CSMD1: variants seen among roughly 807,000 people sequenced by gnomAD.
CSMD1 encodes CUB and sushi domain-containing protein 1.
A neutral mutation model predicts 417.5 loss-of-function variants in CSMD1; 213 were observed. The ratio of observed to expected loss-of-function variants is 0.51; its 90% confidence interval spans 0.46 to 0.57. CSMD1 has a LOEUF of 0.57. Among genes scored for constraint, CSMD1 ranks in the 20% least tolerant of loss-of-function variants. The pLI is 0.00. For synonymous variants in CSMD1, 2,862 were observed against 1,736.8 expected, an observed-to-expected ratio of 1.65 and a Z score of -16.11; for missense variants, 6,923 against 4,529.7, an observed-to-expected ratio of 1.53 and a Z score of -15.17.
intron 33 of CSMD1, among the ~76,000 whole-genome samples, chr8:3,191,367 A>G (rs1456997239): frequency 6.6e-6 from 1 of 152,228 alleles, no homozygotes; most frequent in African/African-American, 2.4e-5. Flanking sequence ...GAGGCAGGAT[A>G]ATCGCTTCAC....
chr8:4,561,152 A>G (rs1585251315), intron 2 of CSMD1, among the ~76,000 whole-genome samples: 1 of 152,176 alleles, frequency 6.6e-6, no homozygotes, highest in African/African-American at 2.4e-5. Context: ...CAGGTGGATC[A>G]TGAGGTCAGG....
chr8:4,017,209 T>C (rs1261759468), intron 4 of CSMD1, among the ~76,000 whole-genome samples: 2 of 152,226 alleles, frequency 1.3e-5, no homozygotes, highest in Non-Finnish European at 2.9e-5. Context: ...TAAAGTTTTT[T>C]CTACTATTTT....
At chr8:4,675,994 T>A (rs1263712855) in intron 1 of CSMD1, among the ~76,000 whole-genome samples, 2 of 152,162 alleles carry the variant, frequency 1.3e-5, no homozygotes, top group Non-Finnish European at 2.9e-5. Flanking sequence ...ATTCTTCACA[T>A]TTGCTTTACA....
At chr8:4,183,976 C>G (rs1418259364) in intron 3 of CSMD1, among the ~76,000 whole-genome samples, 1 of 152,140 alleles carries the variant, frequency 6.6e-6, no homozygotes, top group Non-Finnish European at 1.5e-5. Flanking sequence ...GGAAAATTCT[C>G]AGAGCCTCCG....
intron 1 of CSMD1, among the ~76,000 whole-genome samples, chr8:4,850,426 A>T (rs1456612673): frequency 7.1e-6 from 1 of 141,334 alleles, no homozygotes; most frequent in African/African-American, 2.7e-5. Flanking sequence ...TTAGTAAAAA[A>T]CATCTTTACT....
intron 1 of CSMD1, among the ~76,000 whole-genome samples, chr8:4,837,095 G>T (rs137871792): frequency 8.6e-5 from 13 of 151,784 alleles, no homozygotes; most frequent in African/African-American, 2.9e-4. Context: ...AATTAATGAG[G>T]GCTTCACTAA....
intron 3 of CSMD1, among the ~76,000 whole-genome samples, chr8:4,267,508 G>A (rs944469530): frequency 1.3e-5 from 2 of 151,632 alleles, no homozygotes; most frequent in Non-Finnish European, 2.9e-5. Context: ...TCTAAACGCA[G>A]TAAGTATTGA....
intron 5 of CSMD1, among the ~76,000 whole-genome samples, chr8:3,836,546 T>G (rs1320357413): frequency 6.6e-6 from 1 of 152,004 alleles, no homozygotes; most frequent in African/African-American, 2.4e-5. Flanking sequence ...TAGGATGGAG[T>G]GAGTCAGAAA....
At chr8:4,736,879 C>T (rs1302968104) in intron 1 of CSMD1, among the ~76,000 whole-genome samples, 7 of 152,026 alleles carry the variant, frequency 4.6e-5, no homozygotes, top group South Asian at 4.1e-4. Context: ...GGTATGTAAG[C>T]GTTCAGTAAA....
chr8:3,382,914 T>C (rs980583858), intron 18 of CSMD1, among the ~76,000 whole-genome samples: 1 of 152,132 alleles, frequency 6.6e-6, no homozygotes, highest in Non-Finnish European at 1.5e-5. Context: ...AACTAAGATT[T>C]CTCAAAAAAA....
intron 26 of CSMD1, among the ~76,000 whole-genome samples, chr8:3,276,912 G>A (rs1016584103): frequency 6.6e-6 from 1 of 152,114 alleles, no homozygotes; most frequent in Non-Finnish European, 1.5e-5. Context: ...TTAATCCACT[G>A]TATTAATAAA....
chr8:3,138,317 T>C (rs1468805472), intron 41 of CSMD1, among the ~76,000 whole-genome samples: 1 of 152,236 alleles, frequency 6.6e-6, no homozygotes, highest in Non-Finnish European at 1.5e-5. Context: ...ACTCTACTCC[T>C]GTAGATACTC....
intron 29 of CSMD1, among the ~76,000 whole-genome samples, chr8:3,216,411 T>TA (rs551582669): frequency 1.3e-5 from 2 of 152,200 alleles, no homozygotes; most frequent in South Asian, 2.1e-4. Flanking sequence ...CTATTGAAAA[T>TA]AAAAAATTTC....
chr8:3,391,431 G>A (rs1273563483), intron 17 of CSMD1, among the ~76,000 whole-genome samples: 13 of 152,148 alleles, frequency 8.5e-5, no homozygotes, highest in Non-Finnish European at 1.5e-5. Flanking sequence ...ACAAAATTAT[G>A]ACAATTTTAA....
At chr8:4,844,176 C>T (rs983318916) in intron 1 of CSMD1, among the ~76,000 whole-genome samples, 3 of 152,070 alleles carry the variant, frequency 2.0e-5, no homozygotes, top group Non-Finnish European at 2.9e-5. Flanking sequence ...TTCTACTACA[C>T]GTAGCACTGG....
chr8:3,479,790 C>G (rs1013701193), intron 11 of CSMD1, among the ~76,000 whole-genome samples: 1 of 151,620 alleles, frequency 6.6e-6, no homozygotes, highest in African/African-American at 2.4e-5. Flanking sequence ...AGAAATGAAT[C>G]AGAGGGTGGA....
chr8:4,961,010 T>C (rs771447756), intron 1 of CSMD1, among the ~76,000 whole-genome samples: 1 of 152,118 alleles, frequency 6.6e-6, no homozygotes. Flanking sequence ...ATGAGCATTT[T>C]ACTCTCTTAC....
chr8:3,840,683 C>CT (rs939551047), intron 5 of CSMD1, among the ~76,000 whole-genome samples: 1 of 143,892 alleles, frequency 6.9e-6, no homozygotes, highest in Non-Finnish European at 1.5e-5. Context: ...GACCTCAATT[C>CT]TTTTTTTTAA....
chr8:3,837,060 A>G (rs1419088566), intron 5 of CSMD1, among the ~76,000 whole-genome samples: 1 of 151,864 alleles, frequency 6.6e-6, no homozygotes, highest in Non-Finnish European at 1.5e-5. Flanking sequence ...CCCATGGGTG[A>G]TTTTCAACAT....
Sources: allele counts gnomAD v4.1 joint callset (sites outside exome capture counted in the v4.1 genomes callset), GRCh38; gene constraint gnomAD v4.1.1; transcripts MANE v1.5; gene names NCBI Gene and HGNC (gene_info 2026-07-23, HGNC 2026-07-21).